MILR1: variants seen among roughly 807,000 people sequenced by gnomAD.
MILR1 encodes mast cell immunoglobulin like receptor 1, also known as allergin-1.
MILR1 carries 31 observed loss-of-function variants against 18.5 expected under a neutral mutation model. The ratio of observed to expected loss-of-function variants is 1.68; its 90% CI spans 1.26 to 2.26. The LOEUF (loss-of-function observed/expected upper bound fraction) is 2.26, where lower values mean the gene tolerates loss of function less well. Ranked by LOEUF, MILR1 falls within the 30% of genes most tolerant of loss-of-function variation. The pLI, the probability that MILR1 is intolerant of heterozygous loss-of-function variation, is 0.00. For missense variants in MILR1, 257 were observed against 157.4 expected, an observed-to-expected ratio of 1.63 and a Z score of -3.38; for synonymous variants, 85 against 56.2, an observed-to-expected ratio of 1.51 and a Z score of -2.30.
At chr17:64,465,353 C>A (rs1321388828) in intron 5 of MILR1, 99 bp from the exon 6 acceptor site, 1 of 838,700 alleles carries the variant, frequency 1.2e-6, no homozygotes, top group African/African-American at 1.7e-5. Context: ...AAGTCACTCT[C>A]TGTTTCAGAA....
chr17:64,456,401 T>C (rs2037302213), intron 3 of MILR1, among the ~76,000 whole-genome samples: 1 of 152,158 alleles, frequency 6.6e-6, no homozygotes, highest in African/African-American at 2.4e-5. Flanking sequence ...AGCAGACCCA[T>C]TTCCTGTTGA....
the MILR1 span, among the ~76,000 whole-genome samples, chr17:64,474,467 C>T: frequency 5.3e-5 from 8 of 152,228 alleles, no homozygotes; most frequent in East Asian, 9.7e-4. Context: ...TTTGACTCCC[C>T]GGGCTCAAGC....
At chr17:64,468,050 A>G in intron 9 of MILR1, 1 of 348,206 alleles carries the variant, frequency 2.9e-6, no homozygotes, top group South Asian at 2.2e-5. Flanking sequence ...CCAGGGAGAG[A>G]GCCCACAGAG....
intron 8 of MILR1, 24 bp from the exon 9 acceptor site, chr17:64,467,541 A>T: frequency 5.0e-6 from 7 of 1,412,930 alleles, no homozygotes; most frequent in Non-Finnish European, 6.8e-6. Flanking sequence ...TCCTAAGTAA[A>T]TTATTTTCCC....
chr17:64,463,287 C>A lies in MILR1; in HGVS notation c.764-2165C>A, dbSNP rs1232984548. Among the ~76,000 whole-genome samples, 9 of 152,118 alleles carry A rather than the reference C, an allele frequency of 5.9e-5. No homozygotes were observed. The East Asian group carries it at 1.2e-3, about 20-fold the overall frequency. Reference sequence around the variant, plus strand: ...CCTCCCAAAGTGCTGGGATTACAGGCATGAGCCACTGCACTCAGCCCAGTT... The same window carrying A: ...CCTCCCAAAGTGCTGGGATTACAGGAATGAGCCACTGCACTCAGCCCAGTT... On this transcript the variant is annotated intron_variant, in intron 5 of 9. Transcript: ENST00000619286.
At chr17:64,457,716 C>A in intron 4 of MILR1, 32 bp downstream of exon 4, 1 of 470,358 alleles carries the variant, frequency 2.1e-6, no homozygotes, top group South Asian at 6.8e-5. Context: ...TCAGCCAGGT[C>A]TGAACTCACT....
At position 64,452,602 on chromosome 17, in the gene MILR1, C is replaced by T. The variant is rs2037198691; in HGVS notation, c.103C>T (p.Pro35Ser). The change falls in exon 3 of 10, where the codon CCT becomes TCT. Residue 35 changes from proline to serine, a missense_variant. Pro to Ser is a moderately conservative substitution (Grantham distance 74). Coordinates refer to ENST00000619286, the MANE Select transcript of MILR1 (RefSeq NM_001085423.2). ...DCEAMKTNEF[P>S]SPCLDSKTKV... ...TGTGTCATTTTGTTTTTCAGAATTCCCTTCTCCATGTTTGGACTCAAAGAC... is the reference window on the plus strand; with the variant it reads ...TGTGTCATTTTGTTTTTCAGAATTCTCTTCTCCATGTTTGGACTCAAAGAC... 2.4e-6 allele frequency: 1 copy of T among 416,780 alleles called. No individual in the cohort carries two copies. Among genetic ancestry groups the T allele is most frequent in the Admixed American group, 4.4e-5 (1 of 22,852 alleles). 25.8% of individuals were successfully genotyped at this position (416,780 alleles called of 1,614,324 possible). A position where few individuals can be genotyped will look rare whatever the true frequency, so the allele number is the denominator to read the frequency against.
Position 64,468,377 on chromosome 17 carries a change from C to A in MILR1, c.*96C>A. On this transcript the variant is annotated 3_prime_UTR_variant, in exon 10 of 10. Coordinates refer to ENST00000619286, the MANE Select transcript of MILR1 (RefSeq NM_001085423.2). The stretch of plus-strand genomic sequence containing the variant: ...GATCTTGGCTCACTTCAATCTCCAT[C>A]TTCCCAGTTCAAGCGATTCTCATGC... 1 of 447,842 alleles carries A rather than the reference C, an allele frequency of 2.2e-6. No individual in the cohort carries two copies. Among genetic ancestry groups the A allele is most frequent in the Admixed American group, 2.5e-5 (1 of 40,542 alleles). The allele number at this position is 447,842 out of a possible 1,614,324, so 27.7% of individuals were successfully genotyped here.
At chr17:64,479,877 C>T in the MILR1 span, among the ~76,000 whole-genome samples, 1 of 152,182 alleles carries the variant, frequency 6.6e-6, no homozygotes, top group Non-Finnish European at 1.5e-5. Context: ...GTGCCAATCC[C>T]TTAGAAGACT....
At chr17:64,454,705 T>C (rs2037251679) in intron 3 of MILR1, among the ~76,000 whole-genome samples, 1 of 152,160 alleles carries the variant, frequency 6.6e-6, no homozygotes, top group Non-Finnish European at 1.5e-5. Context: ...TTAGAACCAA[T>C]TATCTTGGCC....
chr17:64,451,912 A>G (rs990812432), intron 2 of MILR1, among the ~76,000 whole-genome samples: 1 of 151,910 alleles, frequency 6.6e-6, no homozygotes, highest in Non-Finnish European at 1.5e-5. Context: ...AGCCTGGGCA[A>G]CAGAGTGAGA....
At chr17:64,494,024 T>C in the MILR1 span, among the ~76,000 whole-genome samples, 12 of 152,248 alleles carry the variant, frequency 7.9e-5, no homozygotes. Flanking sequence ...GGTGATATTT[T>C]AGTTGTTCCA....
At chr17:64,465,934 C>T (rs1214593404) in intron 6 of MILR1, among the ~76,000 whole-genome samples, 6 of 152,080 alleles carry the variant, frequency 3.9e-5, no homozygotes, top group Non-Finnish European at 5.9e-5. Context: ...CCCAGCGCCT[C>T]GGCTGATGTA....
At chr17:64,464,932 A>G (rs1324930828) in intron 5 of MILR1, among the ~76,000 whole-genome samples, 2 of 151,570 alleles carry the variant, frequency 1.3e-5, no homozygotes, top group African/African-American at 4.9e-5. Flanking sequence ...TCAAAAAAAT[A>G]CAAAAATTAG....
intron 4 of MILR1, among the ~76,000 whole-genome samples, chr17:64,458,600 A>G (rs889976129): frequency 1.4e-4 from 21 of 151,594 alleles, no homozygotes; most frequent in Middle Eastern, 3.4e-3. Context: ...CTCCTGCACC[A>G]CCCTTGGCTC....
intron 2 of MILR1, among the ~76,000 whole-genome samples, chr17:64,450,083 C>T (rs1339211709): frequency 2.0e-5 from 3 of 151,920 alleles, no homozygotes; most frequent in East Asian, 3.9e-4. Context: ...GGACTACAGG[C>T]GTGTGCCACC....
intron 3 of MILR1, among the ~76,000 whole-genome samples, chr17:64,453,398 C>T (rs1376239809): frequency 1.3e-5 from 2 of 151,928 alleles, no homozygotes; most frequent in African/African-American, 4.8e-5. Flanking sequence ...TTCCGTTTCA[C>T]CTTCTCTTTC....
chr17:64,487,084 A>C, the MILR1 span: 1 of 148,780 alleles, frequency 6.7e-6, no homozygotes, highest in East Asian at 2.0e-4. Context: ...GTCACAGAAC[A>C]AAAAAAAAAG....
downstream of MILR1, chr17:64,468,750 C>A: frequency 2.2e-6 from 1 of 463,320 alleles, no homozygotes; most frequent in Non-Finnish European, 2.8e-6. Context: ...TAATGTCAGC[C>A]ACATGGGCAC....
Sources: allele counts gnomAD v4.1 joint callset (sites outside exome capture counted in the v4.1 genomes callset), GRCh38; gene constraint gnomAD v4.1.1; transcripts MANE v1.5; gene names NCBI Gene and HGNC (gene_info 2026-07-23, HGNC 2026-07-21).